The following MINAR1 variants were observed in gnomAD, a reference collection of about 807,000 sequenced individuals.
The protein encoded by MINAR1 is membrane integral NOTCH2 associated receptor 1.
A neutral mutation model predicts 65.1 loss-of-function variants in MINAR1; 40 were observed. The ratio of observed to expected loss-of-function variants is 0.61; its 90% CI spans 0.48 to 0.80. The LOEUF (loss-of-function observed/expected upper bound fraction) is 0.80, where lower values mean the gene tolerates loss of function less well. Ranked by LOEUF, MINAR1 falls within the 30% of genes least tolerant of loss-of-function variation. The pLI is 0.00. For missense variants in MINAR1, 1,128 were observed against 1,148.0 expected (o/e 0.98, Z 0.25); for synonymous variants, 482 against 449.1 (o/e 1.07, Z -0.93).
chr15:79,461,079 T>C (rs1283331272), intron 2 of MINAR1, among the ~76,000 whole-genome samples: 1 of 152,268 alleles, frequency 6.6e-6, no homozygotes, highest in Admixed American at 6.5e-5. Flanking sequence ...TCTCCAGCCC[T>C]TAATCCCGTT....
Position 79,465,196 on chromosome 15 carries a change from G to A in MINAR1, c.2553+1875G>A, listed in dbSNP as rs562237895. 2.2e-4 allele frequency among the ~76,000 whole-genome samples: 34 copies of A among 152,314 alleles called. No homozygotes were observed. The South Asian group carries it at 3.5e-3, about 16-fold the overall frequency. On this transcript the variant is annotated intron_variant, in intron 3 of 3. Transcript: ENST00000305428. ...TGAGGAAGTAGAGAGTTCAATAGCC[G>A]TGTGAGGGTGTTTACAGCAAAAAAG...
In MINAR1 at chr15:79,458,280, C is replaced by T. The variant is rs754272324; in HGVS notation, c.2133C>T (p.Ser711=). 3 of 1,613,982 alleles carry T rather than the reference C, an allele frequency of 1.9e-6. No homozygotes were observed. The highest frequency in any genetic ancestry group is 2.2e-5 in the East Asian group (1 of 44,886). ...TCTTCACCAGGCCATCCTCTAGGTC[C>T]CTAACAGAGGAGAACAGTGCCACAG... is the stretch of plus-strand genomic sequence containing the variant. ...KSLFTRPSSR[S]LTEENSATES... Residue 711 remains serine, a synonymous_variant, in exon 2 of 4, where the codon TCC becomes TCT. Transcript: ENST00000305428.
the MINAR1 span, chr15:79,411,712 T>C: frequency 1.9e-6 from 1 of 526,698 alleles, no homozygotes; most frequent in Middle Eastern, 5.1e-4. Flanking sequence ...GGAGACTCCT[T>C]GACCACCACA....
At chr15:79,439,897 C>T (rs1219774789) in intron 1 of MINAR1, among the ~76,000 whole-genome samples, 2 of 152,012 alleles carry the variant, frequency 1.3e-5, no homozygotes, top group Admixed American at 1.3e-4. Context: ...TTTCCATAAC[C>T]TCAGCCTGAG....
upstream of MINAR1, among the ~76,000 whole-genome samples, chr15:79,431,483 G>C (rs560493580): frequency 4.7e-5 from 7 of 148,178 alleles, no homozygotes. Context: ...GGGTTTGGGG[G>C]TGTGTGAATG....
chr15:79,444,432 C>G (rs1468259391), intron 1 of MINAR1, among the ~76,000 whole-genome samples: 3 of 151,924 alleles, frequency 2.0e-5, no homozygotes, highest in Non-Finnish European at 2.9e-5. Flanking sequence ...TTCTACTTCA[C>G]TAATTTTTCT....
chr15:79,466,859 TCTGAAACCCA>T (rs1895878881), intron 3 of MINAR1, among the ~76,000 whole-genome samples: 1 of 152,202 alleles, frequency 6.6e-6, no homozygotes, highest in South Asian at 2.1e-4. Flanking sequence ...AGGGGCTGTT[TCTGAAACCCA>T]CTGAGACCCA....
At chr15:79,431,512 T>A (rs867737668), upstream of MINAR1, among the ~76,000 whole-genome samples, 1 of 122,818 alleles carries the variant, frequency 8.1e-6, no homozygotes, top group South Asian at 2.5e-4. Flanking sequence ...TGTGTGTGTG[T>A]GTGGGGGGGG....
At position 79,457,130 on chromosome 15, in the gene MINAR1, A is replaced by G; in HGVS notation, c.983A>G (p.His328Arg). The change falls in exon 2 of 4, where the codon CAC (histidine) becomes CGC (arginine). Residue 328 changes from histidine (H) to arginine (R), a missense_variant. By Grantham distance (29) the His-to-Arg change is conservative (BLOSUM62 0). Coordinates refer to ENST00000305428, the MANE Select transcript of MINAR1 (RefSeq NM_015206.3). ...SPVPDKRRAK[H>R]ESLDDLQAST... ...GTTCCTGACAAAAGGCGAGCAAAGC[A>G]CGAAAGCTTAGATGACCTTCAAGCC... 1 of 1,614,180 alleles carries G rather than the reference A, an allele frequency of 6.2e-7. No individual in the cohort carries two copies. The highest frequency in any genetic ancestry group is 8.5e-7 in the Non-Finnish European group (1 of 1,180,026).
chr15:79,450,523 C>T (rs1895156592), intron 1 of MINAR1, among the ~76,000 whole-genome samples: 1 of 150,104 alleles, frequency 6.7e-6, no homozygotes, highest in Non-Finnish European at 1.5e-5. Flanking sequence ...GTTTTCTGAA[C>T]TGTCTTCCTA....
chr15:79,457,359 T>C lies in MINAR1; in HGVS notation c.1212T>C (p.Asn404=). The C allele has an allele frequency of 6.2e-7, 1 of 1,614,126 alleles. No individual in the cohort carries two copies. ...CAAATGCCAGTAGCCAGACCCCCAA[T>C]TTCCCAGCCCCAGAAAGGCGCCCAA... ...HYPNASSQTP[N]FPAPERRPTY... The change falls in exon 2 of 4, where the codon AAT becomes AAC. Residue 404 remains asparagine, a synonymous_variant. Coordinates refer to ENST00000305428, the MANE Select transcript of MINAR1 (RefSeq NM_015206.3).
the MINAR1 span, chr15:79,422,091 GTCTC>G: frequency 6.6e-6 from 1 of 152,356 alleles, no homozygotes; most frequent in Non-Finnish European, 1.5e-5. Context: ...CATCCCCAGT[GTCTC>G]ACCTCATATG....
At chr15:79,453,068 A>T in intron 1 of MINAR1, among the ~76,000 whole-genome samples, 1 of 151,726 alleles carries the variant, frequency 6.6e-6, no homozygotes, top group African/African-American at 2.4e-5. Flanking sequence ...CTCTGACCAG[A>T]TCCGGCTTCA....
intron 1 of MINAR1, among the ~76,000 whole-genome samples, chr15:79,445,570 C>T (rs1321420477): frequency 1.0e-4 from 11 of 108,272 alleles, no homozygotes; most frequent in Non-Finnish European, 1.5e-4. Context: ...TTTTTTGAGA[C>T]GGAGTTTTGC....
intron 1 of MINAR1, among the ~76,000 whole-genome samples, chr15:79,434,900 A>G (rs555258241): frequency 0.013 from 1,917 of 151,768 alleles, 43 homozygotes; most frequent in African/African-American, 0.044. Context: ...ATGAGAGAGT[A>G]TCAGACTAGA....
chr15:79,447,376 C>T (rs1261080805), intron 1 of MINAR1, among the ~76,000 whole-genome samples: 4 of 151,842 alleles, frequency 2.6e-5, no homozygotes, highest in Non-Finnish European at 5.9e-5. Context: ...GTACTTTTTT[C>T]ATAGTGTCTT....
In MINAR1 at chr15:79,456,269, C is replaced by G. The variant is rs371167587; in HGVS notation, c.122C>G (p.Ser41Trp). ...TCTCTCTGTGCCCGGTTCGACCTGT[C>G]GCAGCTTGCCAAACTGAGAAGTGTG... ...CKSLCARFDL[S>W]QLAKLRSVLF... is the part of the protein sequence containing the mutation. Residue 41 changes from serine to tryptophan, a missense_variant, in exon 2 of 4, where the codon TCG becomes TGG. Physicochemically the swap from Ser to Trp is radical, Grantham distance 177. Coordinates refer to ENST00000305428, the MANE Select transcript of MINAR1 (RefSeq NM_015206.3). 6 of 1,614,030 alleles carry G rather than the reference C, an allele frequency of 3.7e-6. No individual in the cohort carries two copies. Among genetic ancestry groups the G allele is most frequent in the Non-Finnish European group, 5.1e-6 (6 of 1,180,038 alleles).
At chr15:79,418,455 C>T in the MINAR1 span, 1 of 152,246 alleles carries the variant, frequency 6.6e-6, no homozygotes, top group African/African-American at 2.4e-5. Flanking sequence ...CTCTGCCTAT[C>T]CACAAACTCC....
At chr15:79,462,748 C>T (rs996141146) in intron 2 of MINAR1, among the ~76,000 whole-genome samples, 5 of 152,178 alleles carry the variant, frequency 3.3e-5, no homozygotes, top group African/African-American at 4.8e-5. Context: ...CTGTGTGCCT[C>T]GGGGCAAGTT....
Sources: allele counts gnomAD v4.1 joint callset (sites outside exome capture counted in the v4.1 genomes callset), GRCh38; gene constraint gnomAD v4.1.1; transcripts MANE v1.5; gene names NCBI Gene and HGNC (gene_info 2026-07-23, HGNC 2026-07-21).